The following RASGRP3 variants were observed in gnomAD, a reference collection of about 807,000 sequenced individuals.
RASGRP3 encodes RAS guanyl releasing protein 3.
RASGRP3 carries 54 observed loss-of-function variants against 82.7 expected under a neutral mutation model. The ratio of observed to expected loss-of-function variants is 0.65; its 90% CI spans 0.52 to 0.82. The LOEUF (loss-of-function observed/expected upper bound fraction) is 0.82, where lower values mean the gene tolerates loss of function less well. Among genes scored for constraint, RASGRP3 ranks in the 40% least tolerant of loss-of-function variants. The probability of loss-of-function intolerance (pLI) is 0.00; values close to 1 mark genes in which losing one functional copy is unlikely to be tolerated. For synonymous variants in RASGRP3, 309 were observed against 300.5 expected, an observed-to-expected ratio of 1.03 and a Z score of -0.29; for missense variants, 861 against 828.9, an observed-to-expected ratio of 1.04 and a Z score of -0.48.
intron 1 of RASGRP3, among the ~76,000 whole-genome samples, chr2:33,510,825 T>A (rs1384417364): frequency 6.6e-6 from 1 of 152,188 alleles, no homozygotes; most frequent in Non-Finnish European, 1.5e-5. Flanking sequence ...GAAACCCGAT[T>A]TTTTTTAATG....
In RASGRP3 at chr2:33,524,512, A is replaced by G. The variant is rs1416757378; in HGVS notation, c.771A>G (p.Lys257=). ...GTCATAGTTCCATTTCACGCCTCAA[A>G]GAGACCCATTCTCATCTTTCTTCAG... is the stretch of plus-strand genomic sequence containing the variant. ...GLSHSSISRL[K]ETHSHLSSEV... is the part of the protein sequence containing the mutation. Residue 257 remains lysine (K), a synonymous_variant, in exon 9 of 18, where the codon AAA becomes AAG. Coordinates refer to ENST00000403687, the MANE Select transcript of RASGRP3 (RefSeq NM_001139488.2). 3 of 1,603,672 alleles carry G rather than the reference A, an allele frequency of 1.9e-6. No homozygotes were observed. In the South Asian group the frequency reaches 3.4e-5, roughly 18 times the overall value.
At chr2:33,547,053 G>GAAAA (rs767124838) in intron 13 of RASGRP3, among the ~76,000 whole-genome samples, 1 of 123,916 alleles carries the variant, frequency 8.1e-6, no homozygotes, top group Non-Finnish European at 1.6e-5. Context: ...CTGTCTCAGG[G>GAAAA]AAAAAAAAAA....
At chr2:33,505,729 G>A (rs1670309041) in intron 1 of RASGRP3, among the ~76,000 whole-genome samples, 1 of 152,176 alleles carries the variant, frequency 6.6e-6, no homozygotes, top group Non-Finnish European at 1.5e-5. Context: ...TAACTTTGAG[G>A]CATTATTTGG....
In RASGRP3 at chr2:33,533,989, A is replaced by G. The variant is rs115144280; in HGVS notation, c.1084-334A>G. 1,808 of 238,798 alleles carry G rather than the reference A, an allele frequency of 7.6e-3. 36 individuals are homozygous for G. The highest frequency in any genetic ancestry group is 0.038 in the African/African-American group (1,709 of 44,928). 14.8% of individuals were successfully genotyped at this position (238,798 alleles called of 1,614,324 possible). A position where few individuals can be genotyped will look rare whatever the true frequency, so the allele number is the denominator to read the frequency against. On this transcript the variant is annotated intron_variant, in intron 10 of 17. Transcript: ENST00000403687. ...TTCAAAGGCAGCATTTATTACATTT[A>G]CAAGTCTTATTGTTTGCATCTGTCC...
chr2:33,498,676 CTG>C (rs1036704507), intron 1 of RASGRP3, among the ~76,000 whole-genome samples: 8 of 152,218 alleles, frequency 5.3e-5, no homozygotes, highest in Non-Finnish European at 1.5e-5. Context: ...GCCATTTTCT[CTG>C]TGTGCAGCAT....
intron 2 of RASGRP3, among the ~76,000 whole-genome samples, chr2:33,458,285 A>G (rs985091985): frequency 3.9e-5 from 6 of 152,244 alleles, no homozygotes; most frequent in Non-Finnish European, 8.8e-5. Context: ...TTTCTAAAAC[A>G]AAGAATGCTT....
chr2:33,481,862 C>A, intron 1 of RASGRP3: 1 of 151,896 alleles, frequency 6.6e-6, no homozygotes, highest in Non-Finnish European at 1.5e-5. Context: ...CACCACCACA[C>A]CCAGCTAATT....
intron 1 of RASGRP3, among the ~76,000 whole-genome samples, chr2:33,504,984 A>G (rs1670223952): frequency 1.3e-5 from 2 of 152,234 alleles, no homozygotes; most frequent in Non-Finnish European, 2.9e-5. Context: ...AGAATTAAGT[A>G]AAAAGCAAGA....
chr2:33,556,928 C>CACACACACACACACACACACACATACAT (rs1553366467), intron 15 of RASGRP3, among the ~76,000 whole-genome samples: 3 of 148,306 alleles, frequency 2.0e-5, no homozygotes, highest in African/African-American at 5.0e-5. Flanking sequence ...CACACACACA[C>CACACACACACACACACACACACATACAT]GCAATTTTAT....
chr2:33,448,910 C>T (rs1443742082), intron 2 of RASGRP3, among the ~76,000 whole-genome samples: 3 of 152,012 alleles, frequency 2.0e-5, no homozygotes, highest in Non-Finnish European at 2.9e-5. Flanking sequence ...TTCAATAAAC[C>T]TATTTTAAAG....
At chr2:33,509,670 G>A (rs1408863621) in intron 1 of RASGRP3, among the ~76,000 whole-genome samples, 2 of 152,092 alleles carry the variant, frequency 1.3e-5, no homozygotes, top group Non-Finnish European at 1.5e-5. Context: ...TACCTGCTCT[G>A]TGCTCCATAA....
intron 17 of RASGRP3, 75 bp downstream of exon 17, chr2:33,559,105 T>C: frequency 8.0e-7 from 1 of 1,252,978 alleles, no homozygotes; most frequent in South Asian, 1.6e-5. Flanking sequence ...TTACAGAGGG[T>C]CTGGGGGGCA....
intron 1 of RASGRP3, among the ~76,000 whole-genome samples, chr2:33,440,155 T>G (rs1479793768): frequency 6.6e-6 from 1 of 151,898 alleles, no homozygotes; most frequent in Non-Finnish European, 1.5e-5. Flanking sequence ...AATGATGGAA[T>G]AGTCAGATAG....
At chr2:33,524,253 G>C (rs922273999) in intron 8 of RASGRP3, among the ~76,000 whole-genome samples, 179 bp from the exon 9 acceptor site, 1 of 152,106 alleles carries the variant, frequency 6.6e-6, no homozygotes, top group African/African-American at 2.4e-5. Context: ...ATTTAATGTA[G>C]CTATTTCTCT....
At chr2:33,443,760 A>C (rs1447190820) in intron 1 of RASGRP3, among the ~76,000 whole-genome samples, 1 of 150,788 alleles carries the variant, frequency 6.6e-6, no homozygotes, top group Non-Finnish European at 1.5e-5. Flanking sequence ...ACGTGCTTAT[A>C]GTCCTAGATA....
In RASGRP3 at chr2:33,527,413, G is replaced by A; in HGVS notation, c.1083+1G>A. The A allele has an allele frequency of 4.3e-6, 7 of 1,610,778 alleles. No individual in the cohort carries two copies. Among genetic ancestry groups the A allele is most frequent in the Non-Finnish European group, 5.9e-6 (7 of 1,177,444 alleles). ...CATGGATTTGATCAACCTGCTCACG[G>A]TGAGTTCCAAGGAGCCAAGTTTGGG... is the stretch of plus-strand genomic sequence containing the variant. On this transcript the variant is annotated splice_donor_variant, in intron 10 of 17. Coordinates refer to ENST00000403687, the MANE Select transcript of RASGRP3 (RefSeq NM_001139488.2). LOFTEE classifies it high-confidence loss of function.
rs567326409 is a variant in RASGRP3, at chr2:33,550,060, G to C, written c.1542+309G>C. Among the ~76,000 whole-genome samples the C allele has an allele frequency of 2.0e-5, 3 of 152,316 alleles. No individual in the cohort carries two copies. The South Asian group carries it at 6.2e-4, about 32-fold the overall frequency. ...TGGCATTCATCACTAATATTCATAA[G>C]TGGTTGCAATTAAGAGGTGCATTTA... is the stretch of plus-strand genomic sequence containing the variant. On this transcript the variant is annotated intron_variant, in intron 14 of 17. Coordinates refer to ENST00000403687, the MANE Select transcript of RASGRP3 (RefSeq NM_001139488.2).
At chr2:33,461,895 C>T (rs1383798364) in intron 2 of RASGRP3, among the ~76,000 whole-genome samples, 1 of 152,036 alleles carries the variant, frequency 6.6e-6, no homozygotes, top group Non-Finnish European at 1.5e-5. Flanking sequence ...GGTTAAAAGC[C>T]CAGGCCTCAC....
rs1360646632 is a variant in RASGRP3 at position 33,558,596 on chromosome 2, G to C, written c.1706-76G>C. ...CTAGAATGTTGCATGCCAGACTCGT[G>C]CTGTTTGCACTAACCTTGATGCTTT... On this transcript the variant is annotated intron_variant, in intron 16 of 17. Transcript: ENST00000403687. The C allele has an allele frequency of 6.1e-6, 8 of 1,315,848 alleles. No homozygotes were observed. In the East Asian group the frequency reaches 1.9e-4, roughly 31 times the overall value. The allele number at this position is 1,315,848 out of a possible 1,614,324, so 81.5% of individuals were successfully genotyped here.
Sources: allele counts gnomAD v4.1 joint callset (sites outside exome capture counted in the v4.1 genomes callset), GRCh38; gene constraint gnomAD v4.1.1; transcripts MANE v1.5; gene names NCBI Gene and HGNC (gene_info 2026-07-23, HGNC 2026-07-21).